STK10: variants seen among roughly 807,000 people sequenced by gnomAD.
The protein encoded by STK10 is serine/threonine-protein kinase 10.
In STK10, 78 loss-of-function variants were observed where a neutral mutation model predicts 113.8. The ratio of observed to expected loss-of-function variants is 0.69; its 90% CI spans 0.57 to 0.83. STK10 has a LOEUF of 0.83. Among genes scored for constraint, STK10 ranks in the 40% least tolerant of loss-of-function variants. The probability of loss-of-function intolerance (pLI) is 0.00; values close to 1 mark genes in which losing one functional copy is unlikely to be tolerated. For missense variants in STK10, 1,109 were observed against 1,280.1 expected, an observed-to-expected ratio of 0.87 and a Z score of 2.04; for synonymous variants, 465 against 494.7, an observed-to-expected ratio of 0.94 and a Z score of 0.80.
At chr5:172,166,379 C>A (rs1261046152) in intron 1 of STK10, among the ~76,000 whole-genome samples, 6 of 152,172 alleles carry the variant, frequency 3.9e-5, no homozygotes, top group African/African-American at 1.4e-4. Flanking sequence ...CCATTGGCCA[C>A]CAAGAAGGAG....
At chr5:172,163,492 G>A (rs1400384704) in intron 1 of STK10, among the ~76,000 whole-genome samples, 1 of 152,162 alleles carries the variant, frequency 6.6e-6, no homozygotes, top group Non-Finnish European at 1.5e-5. Flanking sequence ...TGCTCAGGCA[G>A]CCAGAATGTC....
At chr5:172,090,875 C>A (rs1366984769) in intron 9 of STK10, among the ~76,000 whole-genome samples, 2 of 137,662 alleles carry the variant, frequency 1.5e-5, no homozygotes, top group Non-Finnish European at 3.0e-5. Flanking sequence ...GCGGAGTTTG[C>A]AGAGAGCTTA....
At chr5:172,140,872 C>T (rs960788094) in intron 2 of STK10, among the ~76,000 whole-genome samples, 23 of 152,186 alleles carry the variant, frequency 1.5e-4, no homozygotes, top group African/African-American at 5.5e-4. Context: ...ACCTAAATGT[C>T]CACCAAGAGA....
intron 12 of STK10, among the ~76,000 whole-genome samples, chr5:172,071,234 A>G (rs1257554965): frequency 3.4e-5 from 5 of 145,332 alleles, no homozygotes; most frequent in African/African-American, 1.3e-4. Flanking sequence ...AAAAAAAAAA[A>G]AAAAAAAGAA....
At chr5:172,163,622 C>A (rs1446515924) in intron 1 of STK10, among the ~76,000 whole-genome samples, 2 of 152,180 alleles carry the variant, frequency 1.3e-5, no homozygotes, top group East Asian at 3.8e-4. Context: ...TGACTCCCGG[C>A]CTAGTGTTCA....
intron 2 of STK10, among the ~76,000 whole-genome samples, chr5:172,147,667 C>T (rs1339529045): frequency 6.6e-6 from 1 of 152,210 alleles, no homozygotes; most frequent in Non-Finnish European, 1.5e-5. Context: ...GCTGGGATTA[C>T]AGGCGTGAGC....
Position 172,175,620 on chromosome 5 carries a change from G to A in STK10, c.156+12267C>T, listed in dbSNP as rs116042718. On this transcript the variant is annotated intron_variant, in intron 1 of 18. Coordinates refer to ENST00000176763, the MANE Select transcript of STK10 (RefSeq NM_005990.4). The stretch of plus-strand genomic sequence containing the variant: ...CCCTCACCACTTCCTCTGCATGAGA[G>A]GCCACCATCCATCGCCATCCAGCTG... Among the ~76,000 whole-genome samples, 899 of 152,236 alleles carry A rather than the reference G, an allele frequency of 5.9e-3. 14 individuals are homozygous for A. The highest frequency in any genetic ancestry group is 0.021 in the African/African-American group (864 of 41,538).
intron 7 of STK10, among the ~76,000 whole-genome samples, chr5:172,103,834 T>C (rs544053783): frequency 6.6e-6 from 1 of 152,304 alleles, no homozygotes; most frequent in African/African-American, 2.4e-5. Context: ...AAGCGCTTCA[T>C]AGTACCTCTT....
In STK10 at chr5:172,118,506, G is replaced by A. The variant is rs183620654; in HGVS notation, c.371-876C>T. 1.6e-3 allele frequency among the ~76,000 whole-genome samples: 244 copies of A among 152,246 alleles called. 1 individual carries two copies. Among genetic ancestry groups the A allele is most frequent in the African/African-American group, 5.7e-3 (237 of 41,548 alleles). ...AATGACATTTGGGCTATGTCTTAAA[G>A]GAAGAGAATAGGTGGGGCGAGGGCA... On this transcript the variant is annotated intron_variant, in intron 3 of 18. Coordinates refer to ENST00000176763, the MANE Select transcript of STK10 (RefSeq NM_005990.4).
intron 9 of STK10, among the ~76,000 whole-genome samples, chr5:172,092,107 T>A (rs781153342): frequency 1.9e-4 from 29 of 152,222 alleles, no homozygotes; most frequent in Non-Finnish European, 3.8e-4. Flanking sequence ...CCAGCTCACA[T>A]GTGCCAGGAC....
rs778378860 is a variant in STK10, at chr5:172,061,116, C to A, written c.2212+23G>T. 42 of 1,593,828 alleles carry A rather than the reference C, an allele frequency of 2.6e-5. 1 individual carries two copies. In the South Asian group the frequency reaches 4.0e-4, roughly 15 times the overall value. ...CCACAGCGACTCTGGGCCAAGACAG[C>A]GCTGCCACTTGCACACCCCCACCTC... On this transcript the variant is annotated intron_variant, in intron 14 of 18. Coordinates refer to ENST00000176763, the MANE Select transcript of STK10 (RefSeq NM_005990.4).
At chr5:172,080,826 A>G (rs756073875) in intron 12 of STK10, among the ~76,000 whole-genome samples, 9 of 152,266 alleles carry the variant, frequency 5.9e-5, no homozygotes, top group Non-Finnish European at 1.0e-4. Flanking sequence ...CTGAAGACCT[A>G]GCTAAGATCA....
chr5:172,054,809 C>A (rs1581131694), intron 16 of STK10, 115 bp from the exon 17 acceptor site: 2 of 1,399,502 alleles, frequency 1.4e-6, no homozygotes, highest in East Asian at 4.6e-5. Context: ...CTGTGCACAG[C>A]CCCAGTACCC....
chr5:172,044,942 G>A lies in STK10; in HGVS notation c.2847C>T (p.Asn949=). Residue 949 remains asparagine, a synonymous_variant, in exon 19 of 19, where the codon AAC becomes AAT. Coordinates refer to ENST00000176763, the MANE Select transcript of STK10 (RefSeq NM_005990.4). The surrounding 1 kb of genome is among the most constrained non-coding windows in gnomAD (Gnocchi z 4.5). ...FKLSEEAECP[N]PSTPSKAAKF... The stretch of plus-strand genomic sequence containing the variant: ...TGGCGGCCTTGCTTGGGGTGGAGGG[G>A]TTTGGGCACTCCGCCTCCTCGCTCA... The A allele has an allele frequency of 1.2e-6, 2 of 1,614,212 alleles. No individual in the cohort carries two copies. The highest frequency in any genetic ancestry group is 2.7e-5 in the African/African-American group (2 of 75,058).
chr5:172,047,976 C>T (rs1369970015), intron 18 of STK10, among the ~76,000 whole-genome samples: 1 of 138,480 alleles, frequency 7.2e-6, no homozygotes, highest in Admixed American at 8.0e-5. Context: ...GATCTTGGCT[C>T]ACTGCAACCT....
At chr5:172,143,013 T>C (rs1374835955) in intron 2 of STK10, among the ~76,000 whole-genome samples, 2 of 152,142 alleles carry the variant, frequency 1.3e-5, no homozygotes, top group African/African-American at 4.8e-5. Context: ...CAGATAAGGG[T>C]GAGCCTGGAC....
chr5:172,162,539 G>T lies in STK10; in HGVS notation c.157-5751C>A, dbSNP rs911051180. 3.3e-5 allele frequency among the ~76,000 whole-genome samples: 5 copies of T among 152,096 alleles called. No homozygotes were observed. The East Asian group carries it at 5.8e-4, about 18-fold the overall frequency. Reference sequence around the variant, plus strand: ...TTCTGTACATCCCCACCAGAGGGCTGGAAAGAATCCTTTCCTTCTGCACAC... The same window carrying T: ...TTCTGTACATCCCCACCAGAGGGCTTGAAAGAATCCTTTCCTTCTGCACAC... On this transcript the variant is annotated intron_variant, in intron 1 of 18. Transcript: ENST00000176763.
chr5:172,116,678 G>C (rs148433154), intron 4 of STK10, among the ~76,000 whole-genome samples: 7 of 151,552 alleles, frequency 4.6e-5, no homozygotes, highest in Non-Finnish European at 8.8e-5. Context: ...GACCAGCCTG[G>C]CCAACATGGT....
At chr5:172,089,655 G>C (rs749873655) in intron 10 of STK10, among the ~76,000 whole-genome samples, 4 of 152,068 alleles carry the variant, frequency 2.6e-5, no homozygotes, top group Non-Finnish European at 4.4e-5. Flanking sequence ...GGCAGATGAA[G>C]GGAAGGATGG....
Sources: gnomAD v4.1 joint callset for allele counts (sites outside exome capture counted in the v4.1 genomes callset) on GRCh38, gnomAD v4.1.1 for gene constraint, Gnocchi (gnomAD v3.1) non-coding constraint, MANE v1.5 for transcripts, NCBI Gene and HGNC (gene_info 2026-07-23, HGNC 2026-07-21) for gene names.